The following SPRED1 variants were observed in gnomAD, a reference collection of about 807,000 sequenced individuals.
The protein encoded by SPRED1 is sprouty related EVH1 domain containing 1, also known as sprouty-related, EVH1 domain-containing protein 1.
Under a neutral mutation model 52.3 loss-of-function variants are expected in SPRED1, and 18 were observed. The observed-to-expected ratio is 0.34, with a 90% confidence interval of 0.24 to 0.51. The LOEUF (loss-of-function observed/expected upper bound fraction) is 0.51. Ranked by LOEUF, SPRED1 falls within the 20% of genes least tolerant of loss-of-function variation. The pLI, the probability that SPRED1 is intolerant of heterozygous loss-of-function variation, is 0.97. For synonymous variants in SPRED1, 155 were observed against 179.7 expected (o/e 0.86, Z 1.10); for missense variants, 485 against 551.0 (o/e 0.88, Z 1.20).
At chr15:38,282,128 A>G (rs1894703254) in intron 1 of SPRED1, among the ~76,000 whole-genome samples, 1 of 152,020 alleles carries the variant, frequency 6.6e-6, no homozygotes, top group Non-Finnish European at 1.5e-5. Context: ...CATGTTCCAT[A>G]AATACATCTT....
At chr15:38,300,328 A>G (rs992817851) in intron 2 of SPRED1, among the ~76,000 whole-genome samples, 1 of 152,236 alleles carries the variant, frequency 6.6e-6, no homozygotes, top group Non-Finnish European at 1.5e-5. Flanking sequence ...AAAGAAGAGC[A>G]TACACTTAGA....
At chr15:38,266,262 T>C (rs1387638073) in intron 1 of SPRED1, among the ~76,000 whole-genome samples, 1 of 152,198 alleles carries the variant, frequency 6.6e-6, no homozygotes, top group Non-Finnish European at 1.5e-5. Context: ...CACATACTTT[T>C]TCTCTTGATG....
At chr15:38,256,397 A>G (rs552239035) in intron 1 of SPRED1, among the ~76,000 whole-genome samples, 22 of 152,274 alleles carry the variant, frequency 1.4e-4, no homozygotes, top group African/African-American at 4.1e-4. Flanking sequence ...ATTTAAAGGC[A>G]TATTATATAA....
chr15:38,254,862 T>G (rs1421288814), intron 1 of SPRED1, among the ~76,000 whole-genome samples: 1 of 152,230 alleles, frequency 6.6e-6, no homozygotes, highest in African/African-American at 2.4e-5. Flanking sequence ...AGATAATGGT[T>G]ATTTAGGAGA....
chr15:38,288,457 G>A (rs1452579542), intron 1 of SPRED1, among the ~76,000 whole-genome samples: 1 of 152,158 alleles, frequency 6.6e-6, no homozygotes, highest in Non-Finnish European at 1.5e-5. Flanking sequence ...TAGGCATTAT[G>A]AGGAAGATAA....
chr15:38,261,642 C>A (rs750182536), intron 1 of SPRED1, among the ~76,000 whole-genome samples: 1 of 152,098 alleles, frequency 6.6e-6, no homozygotes, highest in Admixed American at 6.5e-5. Context: ...GGCGCCATCT[C>A]GGCTCACTGC....
chr15:38,303,183 T>C (rs970858419), intron 2 of SPRED1, among the ~76,000 whole-genome samples: 10 of 139,792 alleles, frequency 7.2e-5, no homozygotes, highest in African/African-American at 2.3e-4. Context: ...AGACTCTGTC[T>C]CAAAAAAAAA....
Position 38,299,403 on chromosome 15 carries a change from G to A in SPRED1, c.63G>A (p.Val21=). Residue 21 remains valine (V), a synonymous_variant, in exon 2 of 7, where the codon GTG becomes GTA. Transcript: ENST00000299084. ...DNSYARVRAV[V]MTRDDSSGGW... is the part of the protein sequence containing the mutation. ...GTTATGCACGAGTGCGAGCTGTGGT[G>A]ATGACCCGAGATGACTCAAGTGGTG... The A allele has an allele frequency of 6.2e-7, 1 of 1,613,958 alleles. No individual in the cohort carries two copies. Among genetic ancestry groups the A allele is most frequent in the Non-Finnish European group, 8.5e-7 (1 of 1,179,906 alleles).
At chr15:38,306,508 A>G (rs1424579210) in intron 2 of SPRED1, among the ~76,000 whole-genome samples, 1 of 152,330 alleles carries the variant, frequency 6.6e-6, no homozygotes, top group East Asian at 1.9e-4. Context: ...CCAGAATCCC[A>G]TTCTTTTCAT....
rs187951608 is a variant in SPRED1, at chr15:38,357,124, G to A, written c.*5460G>A. The A allele has an allele frequency of 1.3e-5, 2 of 152,200 alleles. No homozygotes were observed. The highest frequency in any genetic ancestry group is 2.1e-4 in the South Asian group (1 of 4,822). The allele number at this position is 152,200 out of a possible 1,614,324, so 9.4% of individuals were successfully genotyped here. A position where few individuals can be genotyped will look rare whatever the true frequency, so the allele number is the denominator to read the frequency against. ...AGTGCTCCTTAAAGAAAAAGACATC[G>A]ACATCAATGGTATGAAAGCTGTAGT... On this transcript the variant is annotated 3_prime_UTR_variant, in exon 7 of 7. Coordinates refer to ENST00000299084, the MANE Select transcript of SPRED1 (RefSeq NM_152594.3).
intron 3 of SPRED1, among the ~76,000 whole-genome samples, chr15:38,324,028 G>T (rs1218084725): frequency 1.3e-5 from 2 of 152,064 alleles, no homozygotes; most frequent in African/African-American, 2.4e-5. Flanking sequence ...ATTATCAGCT[G>T]CTATATAGAC....
chr15:38,330,916 A>G (rs976095913), intron 4 of SPRED1, among the ~76,000 whole-genome samples: 1 of 152,080 alleles, frequency 6.6e-6, no homozygotes, highest in Non-Finnish European at 1.5e-5. Context: ...TTCTCTAAGA[A>G]CTAGTACCAG....
At chr15:38,326,411 C>T (rs1330211344) in intron 4 of SPRED1, 6 of 152,160 alleles carry the variant, frequency 3.9e-5, no homozygotes, top group African/African-American at 1.2e-4. Context: ...CTCAGTTTCT[C>T]AGTATGTCAA....
chr15:38,268,519 C>T (rs961992539), intron 1 of SPRED1, among the ~76,000 whole-genome samples: 2 of 152,106 alleles, frequency 1.3e-5, no homozygotes, highest in African/African-American at 4.8e-5. Context: ...ATACACTTAC[C>T]CTTGTGACTA....
At chr15:38,314,117 T>C (rs1350614003) in intron 2 of SPRED1, among the ~76,000 whole-genome samples, 1 of 151,888 alleles carries the variant, frequency 6.6e-6, no homozygotes, top group African/African-American at 2.4e-5. Context: ...AAATGATTAA[T>C]TTACCTAAGT....
chr15:38,349,907 G>T (rs914747942), intron 6 of SPRED1, among the ~76,000 whole-genome samples: 1 of 152,136 alleles, frequency 6.6e-6, no homozygotes, highest in African/African-American at 2.4e-5. Flanking sequence ...TGTGTCCAGG[G>T]ACTGGAGCTA....
At chr15:38,280,704 C>G (rs1894669047) in intron 1 of SPRED1, among the ~76,000 whole-genome samples, 1 of 152,110 alleles carries the variant, frequency 6.6e-6, no homozygotes, top group South Asian at 2.1e-4. Flanking sequence ...CTTTGATAAT[C>G]AAAAGCCCTT....
chr15:38,316,851 C>T (rs1476932889), intron 2 of SPRED1, among the ~76,000 whole-genome samples: 3 of 133,296 alleles, frequency 2.3e-5, no homozygotes, highest in African/African-American at 8.5e-5. Flanking sequence ...AATAATAAAA[C>T]ATTAATTTGT....
chr15:38,281,269 A>G (rs976792917), intron 1 of SPRED1, among the ~76,000 whole-genome samples: 2 of 152,204 alleles, frequency 1.3e-5, no homozygotes, highest in African/African-American at 2.4e-5. Context: ...GGAGCTTCCT[A>G]TAGTTATTTT....
Sources: allele counts gnomAD v4.1 joint callset (sites outside exome capture counted in the v4.1 genomes callset), GRCh38; gene constraint gnomAD v4.1.1; transcripts MANE v1.5; gene names NCBI Gene and HGNC (gene_info 2026-07-23, HGNC 2026-07-21).